The following MGARP variants were observed in gnomAD, a reference collection of about 807,000 sequenced individuals.
The protein encoded by MGARP is mitochondria localized glutamic acid rich protein.
MGARP carries 12 observed loss-of-function variants against 11.0 expected under a neutral mutation model. The ratio of observed to expected loss-of-function variants is 1.09; its 90% CI spans 0.70 to 1.77. MGARP has a LOEUF of 1.77. Among genes scored for constraint, MGARP ranks in the 40% most tolerant of loss-of-function variants. The pLI is 0.00. For missense variants in MGARP, 283 were observed against 297.8 expected, an observed-to-expected ratio of 0.95 and a Z score of 0.36; for synonymous variants, 110 against 115.4, an observed-to-expected ratio of 0.95 and a Z score of 0.30.
rs1338160484 is a variant in MGARP, at chr4:139,266,986, T to G, written c.336A>C (p.Glu112Asp). The G allele has an allele frequency of 1.2e-6, 2 of 1,614,076 alleles. No homozygotes were observed. Among genetic ancestry groups the G allele is most frequent in the African/African-American group, 2.7e-5 (2 of 74,918 alleles). The change falls in exon 4 of 4, where the codon GAA becomes GAC. Residue 112 changes from glutamate (E) to aspartate (D), a missense_variant. Physicochemically the swap from Glu to Asp is conservative, Grantham distance 45. Coordinates refer to ENST00000398955, the MANE Select transcript of MGARP (RefSeq NM_032623.4). Reference sequence around the variant, plus strand: ...CTACCACCTCAGCTTCCACTATAAGTTCTTCTGGGGCTTCTGAACTTGCTT... The same window carrying G: ...CTACCACCTCAGCTTCCACTATAAGGTCTTCTGGGGCTTCTGAACTTGCTT... Reference protein sequence around the residue: ...TEKASSEAPEELIVEAEVVDA... With the variant: ...TEKASSEAPEDLIVEAEVVDA...
chr4:139,268,341 T>C (rs546164073), intron 3 of MGARP, among the ~76,000 whole-genome samples: 43 of 152,316 alleles, frequency 2.8e-4, no homozygotes, highest in African/African-American at 9.9e-4. Context: ...TATTATTATT[T>C]TTAGATAATG....
chr4:139,278,964 G>GA (rs199823229), intron 1 of MGARP, among the ~76,000 whole-genome samples: 32 of 151,118 alleles, frequency 2.1e-4, no homozygotes, highest in Non-Finnish European at 3.0e-4. Context: ...TAATCAACGT[G>GA]AAAAAAAAAT....
rs1176568811 is a variant in MGARP, at chr4:139,280,203, G to A, written c.-45C>T. On this transcript the variant is annotated 5_prime_UTR_variant, in exon 1 of 4. Coordinates refer to ENST00000398955, the MANE Select transcript of MGARP (RefSeq NM_032623.4). The stretch of plus-strand genomic sequence containing the variant: ...GCAGCAGCCTCGGTACCCAGGCGCA[G>A]GCTGCCCTTCCACAGAGAGGCTGAG... The A allele has an allele frequency of 6.4e-7, 1 of 1,566,450 alleles. No homozygotes were observed. The highest frequency in any genetic ancestry group is 8.6e-7 in the Non-Finnish European group (1 of 1,156,768).
intron 2 of MGARP, among the ~76,000 whole-genome samples, chr4:139,271,505 G>T (rs1352731720): frequency 5.9e-5 from 9 of 152,166 alleles, no homozygotes; most frequent in African/African-American, 2.2e-4. Context: ...CAGCCTGGGG[G>T]ACAAGAGATA....
At chr4:139,271,482 C>T (rs554233466) in intron 2 of MGARP, among the ~76,000 whole-genome samples, 2 of 152,202 alleles carry the variant, frequency 1.3e-5, no homozygotes, top group East Asian at 1.9e-4. Flanking sequence ...GATGAGATTG[C>T]GCCATCGCAC....
intron 2 of MGARP, among the ~76,000 whole-genome samples, chr4:139,274,819 T>C (rs1243457203): frequency 6.6e-6 from 1 of 152,216 alleles, no homozygotes; most frequent in African/African-American, 2.4e-5. Flanking sequence ...TCAAAATAAT[T>C]CTTTTAAAAT....
rs774228171 is a variant in MGARP, at chr4:139,272,686, C to CTTT, written c.186+2600_186+2602dup. 5.4e-4 allele frequency among the ~76,000 whole-genome samples: 60 copies of CTTT among 111,230 alleles called. 1 individual carries two copies. The highest frequency in any genetic ancestry group is 4.3e-3 in the Middle Eastern group (1 of 232). The allele number at this position is 111,230 out of a possible 152,430, so 73.0% of individuals were successfully genotyped here. A position where few individuals can be genotyped will look rare whatever the true frequency, so the allele number is the denominator to read the frequency against. ...ACTAAACATCTCTTTATTCATATTT[C>CTTT]TTTTTTTTTTTTTTTTTTTGAGACG... is the stretch of plus-strand genomic sequence containing the variant. On this transcript the variant is annotated intron_variant, in intron 2 of 3. Transcript: ENST00000398955.
At chr4:139,276,098 A>C (rs542064414) in intron 1 of MGARP, among the ~76,000 whole-genome samples, 11 of 152,320 alleles carry the variant, frequency 7.2e-5, no homozygotes, top group African/African-American at 2.6e-4. Flanking sequence ...CTGGAATTGA[A>C]ATTTTTACAA....
Position 139,279,933 on chromosome 4 carries a change from C to A in MGARP, c.82+144G>T, listed in dbSNP as rs1025474167. 11 of 837,112 alleles carry A rather than the reference C, an allele frequency of 1.3e-5. No homozygotes were observed. In the African/African-American group the frequency reaches 1.7e-4, roughly 13 times the overall value. 51.9% of individuals were successfully genotyped at this position (837,112 alleles called of 1,614,324 possible). On this transcript the variant is annotated intron_variant, in intron 1 of 3. Coordinates refer to ENST00000398955, the MANE Select transcript of MGARP (RefSeq NM_032623.4). Reference sequence around the variant, plus strand: ...CTTCGGGACGTCTTCCCGGGAGTCTCCCCCAGTCTCCTCGACCTCCAATCC... The same window carrying A: ...CTTCGGGACGTCTTCCCGGGAGTCTACCCCAGTCTCCTCGACCTCCAATCC...
chr4:139,272,514 G>T (rs1744799061), intron 2 of MGARP, among the ~76,000 whole-genome samples: 1 of 139,584 alleles, frequency 7.2e-6, no homozygotes, highest in Non-Finnish European at 1.5e-5. Context: ...AGCCGAGATT[G>T]CATCACTGCA....
intron 1 of MGARP, among the ~76,000 whole-genome samples, chr4:139,275,904 T>A (rs1420289070): frequency 6.6e-6 from 1 of 152,230 alleles, no homozygotes; most frequent in African/African-American, 2.4e-5. Flanking sequence ...GAAAGAAATC[T>A]CAATTTTTCT....
Position 139,275,403 on chromosome 4 carries a change from A to C in MGARP, c.83-11T>G, listed in dbSNP as rs747597192. ...TCCGGCGCAGAGATGCTAGGAAAAA[A>C]ATGTTTAAACACAGTTAGCTTCACT... On this transcript the variant is annotated splice_polypyrimidine_tract_variant and intron_variant, in intron 1 of 3. Coordinates refer to ENST00000398955, the MANE Select transcript of MGARP (RefSeq NM_032623.4). 2.4e-5 allele frequency: 39 copies of C among 1,608,420 alleles called. No homozygotes were observed. Among genetic ancestry groups the C allele is most frequent in the Non-Finnish European group, 3.3e-5 (39 of 1,176,558 alleles).
intron 1 of MGARP, among the ~76,000 whole-genome samples, chr4:139,276,880 G>GT (rs1241648654): frequency 6.6e-6 from 1 of 152,108 alleles, no homozygotes; most frequent in Non-Finnish European, 1.5e-5. Context: ...GACCAGAAGT[G>GT]TTTTGGGTTT....
chr4:139,270,328 G>A (rs1197390755), intron 2 of MGARP, among the ~76,000 whole-genome samples: 2 of 148,586 alleles, frequency 1.3e-5, no homozygotes, highest in Non-Finnish European at 3.0e-5. Flanking sequence ...AGAAAGAAAA[G>A]AAAAGAAAAT....
chr4:139,273,229 AT>A (rs1560932107), intron 2 of MGARP, among the ~76,000 whole-genome samples: 2 of 150,558 alleles, frequency 1.3e-5, no homozygotes, highest in African/African-American at 2.4e-5. Flanking sequence ...ATTTATTATT[AT>A]TTTTTTTGAG....
rs1286275341 is a variant in MGARP, at chr4:139,272,552, G to C, written c.186+2737C>G. On this transcript the variant is annotated intron_variant, in intron 2 of 3. Coordinates refer to ENST00000398955, the MANE Select transcript of MGARP (RefSeq NM_032623.4). Reference sequence around the variant, plus strand: ...CCAGCCTGGACGAGAGCGAGACTCTGTCCCCTCCCAAAAAAAAAAAAAAAA... The same window carrying C: ...CCAGCCTGGACGAGAGCGAGACTCTCTCCCCTCCCAAAAAAAAAAAAAAAA... Among the ~76,000 whole-genome samples the C allele has an allele frequency of 1.4e-4, 13 of 94,242 alleles. No homozygotes were observed. In the South Asian group the frequency reaches 4.9e-3, roughly 35 times the overall value. The allele number at this position is 94,242 out of a possible 152,430, so 61.8% of individuals were successfully genotyped here.
chr4:139,268,596 T>G, intron 3 of MGARP, 76 bp downstream of exon 3: 1 of 979,892 alleles, frequency 1.0e-6, no homozygotes, highest in Non-Finnish European at 1.5e-6. Context: ...CAAATAGTGT[T>G]CATTGCTAGA....
Position 139,271,731 on chromosome 4 carries a change from G to A in MGARP, c.187-2966C>T, listed in dbSNP as rs916028983. On this transcript the variant is annotated intron_variant, in intron 2 of 3. Coordinates refer to ENST00000398955, the MANE Select transcript of MGARP (RefSeq NM_032623.4). ...CAGGTTTTGGAGTGCCTTACATTCA[G>A]CATTTCCTCCTGAAAGTAGCCTAAG... Among the ~76,000 whole-genome samples the A allele has an allele frequency of 4.7e-4, 72 of 152,152 alleles. 1 individual carries two copies. Among genetic ancestry groups the A allele is most frequent in the African/African-American group, 1.7e-3 (70 of 41,438 alleles).
intron 2 of MGARP, among the ~76,000 whole-genome samples, chr4:139,272,560 C>A (rs1363029802): frequency 1.5e-5 from 1 of 64,826 alleles, no homozygotes; most frequent in African/African-American, 1.1e-4. Flanking sequence ...CTGTCCCCTC[C>A]CAAAAAAAAA....
Sources: gnomAD v4.1 joint callset for allele counts (sites outside exome capture counted in the v4.1 genomes callset) on GRCh38, gnomAD v4.1.1 for gene constraint, MANE v1.5 for transcripts, NCBI Gene and HGNC (gene_info 2026-07-23, HGNC 2026-07-21) for gene names.